UBE2Z: variants seen among roughly 807,000 people sequenced by gnomAD.
UBE2Z encodes the protein ubiquitin conjugating enzyme E2 Z.
In UBE2Z, 10 loss-of-function variants were observed where a neutral mutation model predicts 32.6. The observed-to-expected ratio is 0.31, with a 90% CI of 0.19 to 0.52. The LOEUF is 0.52. Ranked by LOEUF, UBE2Z falls within the 20% of genes least tolerant of loss-of-function variation. UBE2Z has a pLI of 0.97. For missense variants in UBE2Z, 343 were observed against 480.9 expected, an observed-to-expected ratio of 0.71 and a Z score of 2.68; for synonymous variants, 183 against 190.8, an observed-to-expected ratio of 0.96 and a Z score of 0.34.
At chr17:48,911,147 G>A (rs1405035900) in intron 2 of UBE2Z, 2 of 444,788 alleles carry the variant, frequency 4.5e-6, no homozygotes, top group East Asian at 3.7e-5. Context: ...TATTTATAGG[G>A]CATTCTTTCA....
At chr17:48,911,331 G>C (rs1181184353) in intron 2 of UBE2Z, 1 of 167,568 alleles carries the variant, frequency 6.0e-6, no homozygotes, top group African/African-American at 2.4e-5. Context: ...TGTGGTTAAA[G>C]GACTTTGCTC....
rs184114039 is a variant in UBE2Z, at chr17:48,913,333, C to T, written c.578+312C>T. On this transcript the variant is annotated intron_variant, in intron 3 of 6. Coordinates refer to ENST00000360943, the MANE Select transcript of UBE2Z (RefSeq NM_023079.5). ...ACAAAAGAAACTCTGGGGTTGGGGC[C>T]AAAAATCTGGTTTTTTTGGTTGTTG... is the stretch of plus-strand genomic sequence containing the variant. 2.0e-3 allele frequency among the ~76,000 whole-genome samples: 299 copies of T among 152,150 alleles called. 1 individual carries two copies. Among genetic ancestry groups the T allele is most frequent in the African/African-American group, 7.0e-3 (291 of 41,548 alleles).
At chr17:48,924,143 T>G (rs2040781706) in intron 6 of UBE2Z, among the ~76,000 whole-genome samples, 1 of 151,978 alleles carries the variant, frequency 6.6e-6, no homozygotes, top group Non-Finnish European at 1.5e-5. Context: ...AGGCCCTGTT[T>G]TGTTTTGTTT....
intron 4 of UBE2Z, 21 bp downstream of exon 4, chr17:48,916,208 C>A: frequency 2.1e-6 from 3 of 1,427,800 alleles, no homozygotes; most frequent in Non-Finnish European, 2.8e-6. Context: ...ATGGGCCTGG[C>A]TCTGGGGTGT....
intron 6 of UBE2Z, among the ~76,000 whole-genome samples, chr17:48,924,845 C>A (rs1177895708): frequency 2.5e-3 from 218 of 85,696 alleles, no homozygotes; most frequent in Admixed American, 3.5e-3. Context: ...GATTCTGTCT[C>A]AAAAAAAAAA....
chr17:48,909,352 C>T (rs549935113), intron 1 of UBE2Z, among the ~76,000 whole-genome samples: 1 of 151,962 alleles, frequency 6.6e-6, no homozygotes, highest in African/African-American at 2.4e-5. Flanking sequence ...CTCAGATTCC[C>T]TCCACACAGT....
In UBE2Z at chr17:48,908,477, C is replaced by T; in HGVS notation, c.-27C>T. 8.1e-7 allele frequency: 1 copy of T among 1,230,494 alleles called. No homozygotes were observed. Among genetic ancestry groups the T allele is most frequent in the Non-Finnish European group, 1.0e-6 (1 of 986,632 alleles). The allele number at this position is 1,230,494 out of a possible 1,614,324, so 76.2% of individuals were successfully genotyped here. A position where few individuals can be genotyped will look rare whatever the true frequency, so the allele number is the denominator to read the frequency against. On this transcript the variant is annotated 5_prime_UTR_variant, in exon 1 of 7. Transcript: ENST00000360943. ...GCCGCTCTGGTCGGCGGACGTGCTG[C>T]CGAGTAGTCCCGGAAGCGAAGCAGC...
Position 48,926,948 on chromosome 17 carries a change from T to C in UBE2Z, c.895-16T>C. 6.2e-7 allele frequency: 1 copy of C among 1,608,284 alleles called. No homozygotes were observed. The highest frequency in any genetic ancestry group is 8.5e-7 in the Non-Finnish European group (1 of 1,177,118). ...CAGACTTGAATCTTCCATCCCCTTG[T>C]CTCCTTTCCCCACAGGACCCTTTTG... On this transcript the variant is annotated splice_polypyrimidine_tract_variant and intron_variant, in intron 6 of 6. Coordinates refer to ENST00000360943, the MANE Select transcript of UBE2Z (RefSeq NM_023079.5).
chr17:48,919,596 C>CCTT (rs2143769731), intron 4 of UBE2Z, among the ~76,000 whole-genome samples: 1 of 152,254 alleles, frequency 6.6e-6, no homozygotes, highest in South Asian at 2.1e-4. Flanking sequence ...CTCACCTCAG[C>CCTT]CTTCTGAGTA....
rs1284756246 is a variant in UBE2Z at position 48,921,180 on chromosome 17, C to T, written c.711C>T (p.Ser237=). Residue 237 remains serine, a synonymous_variant, in exon 5 of 7, where the codon AGC becomes AGT. Transcript: ENST00000360943. ...TATAGGAGAGACATCCAGGAGACAG[C>T]AAAAACTATAATGAATGTATCCGGC... ...GFEQERHPGD[S]KNYNECIRHE... 1 of 1,611,726 alleles carries T rather than the reference C, an allele frequency of 6.2e-7. No homozygotes were observed. The highest frequency in any genetic ancestry group is 8.5e-7 in the Non-Finnish European group (1 of 1,178,912).
intron 1 of UBE2Z, among the ~76,000 whole-genome samples, chr17:48,909,251 C>G (rs1233285252): frequency 6.6e-6 from 1 of 151,134 alleles, no homozygotes; most frequent in African/African-American, 2.4e-5. Flanking sequence ...CCTCTCTTCT[C>G]CTCTGGAGCC....
Position 48,908,839 on chromosome 17 carries a change from T to C in UBE2Z, c.317+19T>C. 2 of 1,472,716 alleles carry C rather than the reference T, an allele frequency of 1.4e-6. No individual in the cohort carries two copies. The highest frequency in any genetic ancestry group is 2.2e-5 in the Admixed American group (1 of 45,380). The allele number at this position is 1,472,716 out of a possible 1,614,324, so 91.2% of individuals were successfully genotyped here. ...TCAAGCGGTGAGCCGGGGTTTTTCC[T>C]CCCCCAGCCCCGAGCTCCGGGGCTC... On this transcript the variant is annotated intron_variant, in intron 1 of 6. Coordinates refer to ENST00000360943, the MANE Select transcript of UBE2Z (RefSeq NM_023079.5).
chr17:48,927,176 C>G lies in UBE2Z; in HGVS notation c.*42C>G. ...CCCTTCCCCCACTCAAGAGTCCCAG[C>G]AGAATCCCTTCCCCCCACCCCAGGG... On this transcript the variant is annotated 3_prime_UTR_variant, in exon 7 of 7. Coordinates refer to ENST00000360943, the MANE Select transcript of UBE2Z (RefSeq NM_023079.5). The G allele has an allele frequency of 1.2e-6, 2 of 1,600,174 alleles. No homozygotes were observed. Among genetic ancestry groups the G allele is most frequent in the Non-Finnish European group, 1.7e-6 (2 of 1,170,786 alleles).
rs567337116 is a variant in UBE2Z at position 48,919,536 on chromosome 17, G to A, written c.691-1624G>A. On this transcript the variant is annotated intron_variant, in intron 4 of 6. Transcript: ENST00000360943. ...TTGTCACCCAGGCTGGAGTACAGTG[G>A]CACAGTCATAGCTCACTGAAGCCTC... 2.0e-4 allele frequency among the ~76,000 whole-genome samples: 31 copies of A among 152,322 alleles called. 1 individual carries two copies. The South Asian group carries it at 4.6e-3, about 22-fold the overall frequency.
At chr17:48,924,220 T>TA (rs1321599777) in intron 6 of UBE2Z, among the ~76,000 whole-genome samples, 1 of 152,134 alleles carries the variant, frequency 6.6e-6, no homozygotes, top group Non-Finnish European at 1.5e-5. Flanking sequence ...CCTCCTCCCT[T>TA]AGCCTCCAAA....
chr17:48,912,278 C>T (rs1219105179), intron 2 of UBE2Z: 1 of 154,432 alleles, frequency 6.5e-6, no homozygotes, highest in Non-Finnish European at 1.4e-5. Flanking sequence ...CTGTGGCCTC[C>T]AATCCCTTTC....
chr17:48,908,481 G>C lies in UBE2Z; in HGVS notation c.-23G>C, dbSNP rs959660027. On this transcript the variant is annotated 5_prime_UTR_variant, in exon 1 of 7. Coordinates refer to ENST00000360943, the MANE Select transcript of UBE2Z (RefSeq NM_023079.5). ...CTCTGGTCGGCGGACGTGCTGCCGA[G>C]TAGTCCCGGAAGCGAAGCAGCGATG... The C allele has an allele frequency of 1.6e-6, 2 of 1,231,744 alleles. No individual in the cohort carries two copies. The highest frequency in any genetic ancestry group is 2.0e-6 in the Non-Finnish European group (2 of 987,422). The allele number at this position is 1,231,744 out of a possible 1,614,324, so 76.3% of individuals were successfully genotyped here. A position where few individuals can be genotyped will look rare whatever the true frequency, so the allele number is the denominator to read the frequency against.
chr17:48,916,585 T>TG, intron 4 of UBE2Z, among the ~76,000 whole-genome samples: 1 of 105,774 alleles, frequency 9.5e-6, no homozygotes, highest in Non-Finnish European at 2.1e-5. Context: ...TTGGGAGGTT[T>TG]TTTTTGTTTT....
intron 5 of UBE2Z, among the ~76,000 whole-genome samples, chr17:48,922,370 G>T (rs2040765865): frequency 1.3e-5 from 2 of 152,108 alleles, no homozygotes; most frequent in Non-Finnish European, 2.9e-5. Context: ...CTGGGCAAAA[G>T]AGCGAGACTC....
Sources: allele counts gnomAD v4.1 joint callset (sites outside exome capture counted in the v4.1 genomes callset), GRCh38; gene constraint gnomAD v4.1.1; transcripts MANE v1.5; gene names NCBI Gene and HGNC (gene_info 2026-07-23, HGNC 2026-07-21).